PRKCH: variants seen among roughly 807,000 people sequenced by gnomAD.
PRKCH encodes protein kinase C eta type.
PRKCH carries 28 observed loss-of-function variants against 82.5 expected under a neutral mutation model. The ratio of observed to expected loss-of-function variants is 0.34; its 90% confidence interval spans 0.25 to 0.47. The LOEUF is 0.47. Among genes scored for constraint, PRKCH ranks in the 20% least tolerant of loss-of-function variants. PRKCH has a pLI of 1.00. For synonymous variants in PRKCH, 322 were observed against 327.4 expected (o/e 0.98, Z 0.18); for missense variants, 705 against 881.8 (o/e 0.80, Z 2.54).
At chr14:61,212,693 C>T (rs1287305998) in intron 1 of PRKCH, among the ~76,000 whole-genome samples, 2 of 152,170 alleles carry the variant, frequency 1.3e-5, no homozygotes, top group Non-Finnish European at 2.9e-5. Flanking sequence ...TTATGAGCAA[C>T]CACTATTTGG....
intron 1 of PRKCH, among the ~76,000 whole-genome samples, chr14:61,374,969 C>T (rs2140177983): frequency 6.6e-6 from 1 of 152,178 alleles, no homozygotes; most frequent in East Asian, 1.9e-4. Flanking sequence ...AACTTGTATG[C>T]TGTGCTTCCC....
chr14:61,501,992 T>C lies in PRKCH; in HGVS notation c.1433+16336T>C, dbSNP rs557243992. Reference sequence around the variant, plus strand: ...GAACAGAGATTTTTTCCTAAGTCTTTAGAGAGATGAAATCTAAATCCTTAA... The same window carrying C: ...GAACAGAGATTTTTTCCTAAGTCTTCAGAGAGATGAAATCTAAATCCTTAA... On this transcript the variant is annotated intron_variant, in intron 10 of 13. Transcript: ENST00000332981. Among the ~76,000 whole-genome samples, 6 of 152,050 alleles carry C rather than the reference T, an allele frequency of 3.9e-5. No individual in the cohort carries two copies. In the South Asian group the frequency reaches 1.2e-3, roughly 32 times the overall value.
intron 12 of PRKCH, among the ~76,000 whole-genome samples, chr14:61,539,929 C>T (rs1332526170): frequency 1.3e-5 from 2 of 152,192 alleles, no homozygotes; most frequent in Admixed American, 6.5e-5. Context: ...AACCACATTA[C>T]GTGTTTTAGT....
At chr14:61,331,220 A>T (rs1206387383) in intron 1 of PRKCH, among the ~76,000 whole-genome samples, 1 of 152,226 alleles carries the variant, frequency 6.6e-6, no homozygotes, top group African/African-American at 2.4e-5. Flanking sequence ...ATTAGTTTAG[A>T]TATATATTTA....
chr14:61,262,611 A>G (rs183150645), intron 1 of PRKCH, among the ~76,000 whole-genome samples: 20 of 152,296 alleles, frequency 1.3e-4, no homozygotes, highest in African/African-American at 4.8e-4. Context: ...GTTTTGAATC[A>G]TGGTTACGTT....
intron 1 of PRKCH, among the ~76,000 whole-genome samples, chr14:61,308,187 T>C (rs1329020364): frequency 6.6e-6 from 1 of 152,198 alleles, no homozygotes. Flanking sequence ...TCTATAAATA[T>C]AATGCATTGA....
chr14:61,428,076 T>TACACACAC (rs1555386066), intron 2 of PRKCH, among the ~76,000 whole-genome samples: 4 of 126,206 alleles, frequency 3.2e-5, no homozygotes, highest in African/African-American at 1.2e-4. Context: ...GATAGATAGA[T>TACACACAC]ACACACACAC....
chr14:61,226,608 A>T (rs1210865227), intron 1 of PRKCH, among the ~76,000 whole-genome samples: 1 of 152,226 alleles, frequency 6.6e-6, no homozygotes, highest in African/African-American at 2.4e-5. Flanking sequence ...AGAAAACTGG[A>T]TGTTGTGGAT....
intron 1 of PRKCH, among the ~76,000 whole-genome samples, chr14:61,355,366 C>T (rs1731657856): frequency 6.6e-6 from 1 of 151,950 alleles, no homozygotes; most frequent in Non-Finnish European, 1.5e-5. Context: ...GTTTCTTCAG[C>T]ATCCCCTTTT....
At chr14:61,517,825 C>T (rs1053674712) in intron 10 of PRKCH, among the ~76,000 whole-genome samples, 5 of 152,234 alleles carry the variant, frequency 3.3e-5, no homozygotes. Context: ...ATTCTGTCAT[C>T]TTCATGCACA....
intron 12 of PRKCH, chr14:61,545,299 A>G (rs1350172991): frequency 6.6e-6 from 1 of 152,130 alleles, no homozygotes; most frequent in Non-Finnish European, 1.5e-5. Flanking sequence ...CCTTCCCACC[A>G]CCAGCCCCAG....
chr14:61,426,472 C>T (rs1883114330), intron 2 of PRKCH, among the ~76,000 whole-genome samples: 1 of 152,204 alleles, frequency 6.6e-6, no homozygotes, highest in Non-Finnish European at 1.5e-5. Flanking sequence ...AGCTCTTTCA[C>T]AAGTATGGAC....
intron 1 of PRKCH, among the ~76,000 whole-genome samples, chr14:61,315,110 T>C (rs1055476779): frequency 1.4e-4 from 22 of 152,200 alleles, no homozygotes; most frequent in African/African-American, 4.6e-4. Context: ...TTTTGTCCCA[T>C]GAGGAGGACA....
chr14:61,344,058 T>C (rs773807440), intron 1 of PRKCH, among the ~76,000 whole-genome samples: 3 of 152,200 alleles, frequency 2.0e-5, no homozygotes, highest in Non-Finnish European at 2.9e-5. Context: ...CAGAACACCA[T>C]GGAGCTTGTC....
chr14:61,490,992 A>ACT (rs1363423802), intron 10 of PRKCH, among the ~76,000 whole-genome samples: 6 of 150,600 alleles, frequency 4.0e-5, no homozygotes, highest in Non-Finnish European at 7.4e-5. Context: ...GTTACTGTGC[A>ACT]CTCTCTCTCT....
chr14:61,275,949 G>T (rs1274832624), intron 1 of PRKCH, among the ~76,000 whole-genome samples: 1 of 152,286 alleles, frequency 6.6e-6, no homozygotes, highest in South Asian at 2.1e-4. Context: ...AATGCAAGGT[G>T]GCAAAGCAGT....
upstream of PRKCH, among the ~76,000 whole-genome samples, chr14:61,320,921 C>G (rs1269673920): frequency 1.3e-5 from 2 of 152,214 alleles, no homozygotes; most frequent in Non-Finnish European, 2.9e-5. Flanking sequence ...GAGGAAGAGA[C>G]TTATTACCTC....
intron 10 of PRKCH, among the ~76,000 whole-genome samples, chr14:61,504,866 A>T (rs1282761262): frequency 6.6e-6 from 1 of 152,146 alleles, no homozygotes; most frequent in African/African-American, 2.4e-5. Flanking sequence ...ATAGGTTTGT[A>T]TTCATTTATT....
intron 1 of PRKCH, among the ~76,000 whole-genome samples, chr14:61,296,576 T>G (rs2045408129): frequency 6.6e-6 from 1 of 152,166 alleles, no homozygotes; most frequent in East Asian, 1.9e-4. Context: ...AGTAGCCCCA[T>G]AATCTCCTCT....
Sources: gnomAD v4.1 joint callset for allele counts (sites outside exome capture counted in the v4.1 genomes callset) on GRCh38, gnomAD v4.1.1 for gene constraint, MANE v1.5 for transcripts, NCBI Gene and HGNC (gene_info 2026-07-23, HGNC 2026-07-21) for gene names.